Variants in DOCK7 observed in about 807,000 individuals in gnomAD.
DOCK7 encodes dedicator of cytokinesis 7.
A neutral mutation model predicts 271.0 loss-of-function variants in DOCK7; 138 were observed. The observed-to-expected ratio is 0.51, with a 90% CI of 0.44 to 0.59. The LOEUF (loss-of-function observed/expected upper bound fraction) is 0.59. DOCK7 is among the 20% of genes least tolerant of loss of function. The probability of loss-of-function intolerance (pLI) is 0.00; values close to 1 mark genes in which losing one functional copy is unlikely to be tolerated. For synonymous variants in DOCK7, 823 were observed against 876.1 expected (o/e 0.94, Z 1.07); for missense variants, 2,066 against 2,592.4 (o/e 0.80, Z 4.41).
chr1:62,674,360 T>C (rs1236197880), intron 1 of DOCK7, among the ~76,000 whole-genome samples: 2 of 152,176 alleles, frequency 1.3e-5, no homozygotes, highest in Non-Finnish European at 2.9e-5. Context: ...ATTGTTCAGA[T>C]GGCAATTCTC....
chr1:62,650,061 G>C (rs1209020635), intron 4 of DOCK7, among the ~76,000 whole-genome samples: 1 of 152,154 alleles, frequency 6.6e-6, no homozygotes, highest in African/African-American at 2.4e-5. Flanking sequence ...GTAACAGAGA[G>C]AGACCTTGTC....
intron 23 of DOCK7, 147 bp downstream of exon 23, chr1:62,544,800 A>C (rs1645647692): frequency 5.3e-6 from 3 of 564,896 alleles, no homozygotes; most frequent in South Asian, 5.1e-5. Context: ...CATGCATAGT[A>C]GTTGGAAAAT....
intron 43 of DOCK7, chr1:62,487,128 T>TA (rs1399724780): frequency 6.8e-6 from 2 of 294,770 alleles, no homozygotes; most frequent in Non-Finnish European, 1.3e-5. Context: ...CTTCAAAGGG[T>TA]AAAAACTAAA....
At chr1:62,535,033 G>A (rs1645296702) in intron 29 of DOCK7, among the ~76,000 whole-genome samples, 1 of 150,216 alleles carries the variant, frequency 6.7e-6, no homozygotes, top group Non-Finnish European at 1.5e-5. Context: ...AGGTTGCAGT[G>A]AGCTGAGATC....
chr1:62,578,835 C>A lies in DOCK7; in HGVS notation c.2003G>T (p.Gly668Val). 6.3e-7 allele frequency: 1 copy of A among 1,598,234 alleles called. No homozygotes were observed. The highest frequency in any genetic ancestry group is 1.1e-5 in the South Asian group (1 of 87,774). ...KQNTPLETPV[G>V]YTWIPMLQNG... ...TGAACCAAAAGGACTCACTGTATAT[C>A]CAACTGGTGTTTCAAGAGGAGTATT... The change falls in exon 17 of 50, where the codon GGA becomes GTA. Residue 668 changes from glycine (G) to valine (V), a missense_variant. Transcript: ENST00000635253.
intron 48 of DOCK7, among the ~76,000 whole-genome samples, chr1:62,460,482 C>T (rs1645487984): frequency 6.6e-6 from 1 of 151,938 alleles, no homozygotes; most frequent in Non-Finnish European, 1.5e-5. Flanking sequence ...GGAGGATGTA[C>T]ATAGGTTATA....
chr1:62,627,516 G>A (rs1042925830), intron 11 of DOCK7: 1 of 151,976 alleles, frequency 6.6e-6, no homozygotes, highest in Non-Finnish European at 1.5e-5. Flanking sequence ...ATAACAATTC[G>A]AATTTAGTAA....
chr1:62,597,657 C>T (rs1393534741), intron 14 of DOCK7: 1 of 1,613,412 alleles, frequency 6.2e-7, no homozygotes, highest in South Asian at 1.1e-5. Flanking sequence ...TTCTCTATCT[C>T]CAGAGCCAAA....
intron 20 of DOCK7, among the ~76,000 whole-genome samples, chr1:62,558,733 A>G (rs1646225842): frequency 6.6e-6 from 1 of 152,176 alleles, no homozygotes; most frequent in Admixed American, 6.6e-5. Flanking sequence ...GTACATAGTA[A>G]GTGCTTAATA....
Position 62,586,541 on chromosome 1 carries a change from A to C in DOCK7, c.1766T>G (p.Phe589Cys). The change falls in exon 15 of 50, where the codon TTT becomes TGT. Residue 589 changes from phenylalanine (F) to cysteine (C), a missense_variant. Coordinates refer to ENST00000635253, the MANE Select transcript of DOCK7 (RefSeq NM_001367561.1). ...ATTGCTTGGATCCTCTCCATACATA[A>C]ACTGGACTTTCACTGTTATATTTCT... is the stretch of plus-strand genomic sequence containing the variant. ...SARNITVKVQFMYGEDPSNAM... is the reference protein window; with the variant it reads ...SARNITVKVQCMYGEDPSNAM... The C allele has an allele frequency of 6.2e-7, 1 of 1,612,730 alleles. No homozygotes were observed. The highest frequency in any genetic ancestry group is 8.5e-7 in the Non-Finnish European group (1 of 1,179,098).
intron 31 of DOCK7, among the ~76,000 whole-genome samples, chr1:62,519,416 T>C (rs937355817): frequency 2.6e-5 from 4 of 152,184 alleles, no homozygotes; most frequent in African/African-American, 9.7e-5. Flanking sequence ...AGTTATGCTC[T>C]CTGATCATTT....
At chr1:62,584,495 A>G (rs1353667721) in intron 15 of DOCK7, 1 of 1,060,628 alleles carries the variant, frequency 9.4e-7, no homozygotes. Context: ...GTATTTTCAT[A>G]TGACTAATAA....
At chr1:62,678,668 G>T (rs908537553) in intron 1 of DOCK7, among the ~76,000 whole-genome samples, 1 of 152,030 alleles carries the variant, frequency 6.6e-6, no homozygotes, top group African/African-American at 2.4e-5. Context: ...TAAAATTTAC[G>T]TGGAAATTCA....
At chr1:62,496,197 T>C in intron 38 of DOCK7, 142 bp downstream of exon 38, 1 of 833,006 alleles carries the variant, frequency 1.2e-6, no homozygotes. Flanking sequence ...AGAGATTCAG[T>C]CCTATCTATG....
At chr1:62,614,850 G>A (rs1178131396) in intron 14 of DOCK7, among the ~76,000 whole-genome samples, 1 of 151,794 alleles carries the variant, frequency 6.6e-6, no homozygotes, top group East Asian at 1.9e-4. Flanking sequence ...TTTAAGAGAA[G>A]GACTTTAAGG....
chr1:62,604,308 G>T, intron 14 of DOCK7: 1 of 1,556,992 alleles, frequency 6.4e-7, no homozygotes, highest in Admixed American at 1.8e-5. Context: ...GCTATTATCT[G>T]CAATGACAAC....
chr1:62,545,500 C>T (rs1027290259), intron 22 of DOCK7, among the ~76,000 whole-genome samples: 10 of 152,020 alleles, frequency 6.6e-5, no homozygotes, highest in Non-Finnish European at 1.3e-4. Context: ...CAGTGATACC[C>T]CATAATTCTA....
At chr1:62,621,060 T>C (rs578064680) in intron 12 of DOCK7, among the ~76,000 whole-genome samples, 28 of 152,048 alleles carry the variant, frequency 1.8e-4, no homozygotes, top group Non-Finnish European at 2.9e-4. Flanking sequence ...TTCAACTTTA[T>C]ATCACAAATT....
intron 31 of DOCK7, among the ~76,000 whole-genome samples, chr1:62,522,022 T>G (rs2149357789): frequency 6.6e-6 from 1 of 151,896 alleles, no homozygotes; most frequent in East Asian, 1.9e-4. Context: ...ACAATCAATG[T>G]AAGAAGAAAC....
Sources: gnomAD v4.1 joint callset for allele counts (sites outside exome capture counted in the v4.1 genomes callset) on GRCh38, gnomAD v4.1.1 for gene constraint, MANE v1.5 for transcripts, NCBI Gene and HGNC (gene_info 2026-07-23, HGNC 2026-07-21) for gene names.